CIT: variants seen among roughly 807,000 people sequenced by gnomAD.
CIT encodes the protein citron Rho-interacting kinase.
A neutral mutation model predicts 272.7 loss-of-function variants in CIT; 79 were observed. The ratio of observed to expected loss-of-function variants is 0.29; its 90% CI spans 0.24 to 0.35. The LOEUF (loss-of-function observed/expected upper bound fraction) is 0.35, where lower values mean the gene tolerates loss of function less well. Ranked by LOEUF, CIT falls within the 10% of genes least tolerant of loss-of-function variation. The pLI is 1.00. For synonymous variants in CIT, 948 were observed against 995.6 expected (o/e 0.95, Z 0.90); for missense variants, 1,909 against 2,618.3 (o/e 0.73, Z 5.91).
At chr12:119,778,585 G>C (rs1964000445) in intron 13 of CIT, among the ~76,000 whole-genome samples, 1 of 151,988 alleles carries the variant, frequency 6.6e-6, no homozygotes, top group Admixed American at 6.6e-5. Flanking sequence ...CTGATAAATT[G>C]CAATTTTTGA....
intron 28 of CIT, among the ~76,000 whole-genome samples, chr12:119,723,396 TTAA>T (rs1302478114): frequency 0.015 from 2,022 of 133,866 alleles, 51 homozygotes; most frequent in African/African-American, 0.052. Context: ...TCCCTATACA[TTAA>T]AAAAAAAAAA....
chr12:119,864,173 A>C (rs1950449816), intron 3 of CIT, among the ~76,000 whole-genome samples: 1 of 152,222 alleles, frequency 6.6e-6, no homozygotes, highest in Non-Finnish European at 1.5e-5. Flanking sequence ...TTAGTACTAA[A>C]GTTGTAAATA....
chr12:119,799,769 G>T (rs1966028281), intron 10 of CIT, among the ~76,000 whole-genome samples: 1 of 151,586 alleles, frequency 6.6e-6, no homozygotes, highest in Admixed American at 6.6e-5. Context: ...CCCGGGGGCT[G>T]CATGCAGCCC....
rs541636870 is a variant in CIT, at chr12:119,714,216, G to C, written c.4287C>G (p.Arg1429=). 6.2e-6 allele frequency: 10 copies of C among 1,614,110 alleles called. No homozygotes were observed. In the African/African-American group the frequency reaches 9.3e-5, roughly 15 times the overall value. The change falls in exon 33 of 48, where the codon CGC becomes CGG. Residue 1429 remains arginine (R), a synonymous_variant. Transcript: ENST00000392521. ...AVCLDTVHFG[R]QASKCLECQV... The stretch of plus-strand genomic sequence containing the variant: ...TCTTACCGAGACATTTGGATGCCTG[G>C]CGTCCAAAGTGCACGGTATCCAGAC...
Position 119,691,577 on chromosome 12 carries a change from C to T in CIT, c.5883-1123G>A, listed in dbSNP as rs1001583393. On this transcript the variant is annotated intron_variant, in intron 46 of 47. Transcript: ENST00000392521. ...ACTGAGCAGGGCAGACAAAGTAAAGCGGGCTCAGAAAACGTCCCAGGCCTC... is the reference window on the plus strand; with the variant it reads ...ACTGAGCAGGGCAGACAAAGTAAAGTGGGCTCAGAAAACGTCCCAGGCCTC... 3.9e-5 allele frequency among the ~76,000 whole-genome samples: 6 copies of T among 152,124 alleles called. No homozygotes were observed. The East Asian group carries it at 7.7e-4, about 20-fold the overall frequency.
intron 46 of CIT, among the ~76,000 whole-genome samples, chr12:119,691,191 AAAG>A (rs1955928402): frequency 6.6e-6 from 1 of 151,696 alleles, no homozygotes; most frequent in African/African-American, 2.4e-5. Context: ...AAAAAAAAAA[AAAG>A]ACCAGTTTGA....
chr12:119,870,155 T>C (rs899778609), intron 2 of CIT, among the ~76,000 whole-genome samples: 55 of 152,202 alleles, frequency 3.6e-4, no homozygotes, highest in African/African-American at 1.3e-3. Context: ...CGCTGGAGTC[T>C]ATTTCTCCTG....
At chr12:119,874,108 G>A (rs1441908420) in intron 2 of CIT, among the ~76,000 whole-genome samples, 1 of 151,740 alleles carries the variant, frequency 6.6e-6, no homozygotes, top group Non-Finnish European at 1.5e-5. Flanking sequence ...CCACTCTGTC[G>A]CCCAGGCTGG....
chr12:119,708,229 G>A lies in CIT; in HGVS notation c.5161C>T (p.Pro1721Ser). The A allele has an allele frequency of 6.2e-7, 1 of 1,607,270 alleles. No homozygotes were observed. The highest frequency in any genetic ancestry group is 8.5e-7 in the Non-Finnish European group (1 of 1,177,222). Reference protein sequence around the residue: ...SHLPAQPDISPNIFEAVKGCH... With the variant: ...SHLPAQPDISSNIFEAVKGCH... Reference sequence around the variant, plus strand: ...CCCTTGACAGCTTCAAAAATGTTGGGTGAGATGTCGGGCTGGGCAGGCAGG... The same window carrying A: ...CCCTTGACAGCTTCAAAAATGTTGGATGAGATGTCGGGCTGGGCAGGCAGG... The change falls in exon 40 of 48, where the codon CCC becomes TCC. Residue 1721 changes from proline (P) to serine (S), a missense_variant. By Grantham distance (74) the Pro-to-Ser change is moderately conservative. Coordinates refer to ENST00000392521, the MANE Select transcript of CIT (RefSeq NM_001206999.2).
At chr12:119,792,392 A>G (rs1209462982) in intron 10 of CIT, among the ~76,000 whole-genome samples, 4 of 152,222 alleles carry the variant, frequency 2.6e-5, no homozygotes, top group Non-Finnish European at 5.9e-5. Context: ...TATGCTGCAA[A>G]AAATAAAAAA....
intron 9 of CIT, among the ~76,000 whole-genome samples, chr12:119,816,227 T>C (rs1967171381): frequency 6.6e-6 from 1 of 152,146 alleles, no homozygotes; most frequent in Non-Finnish European, 1.5e-5. Context: ...GGGACAACAG[T>C]AAAGTGGGGT....
intron 9 of CIT, among the ~76,000 whole-genome samples, chr12:119,805,218 G>A (rs1290079290): frequency 1.3e-5 from 2 of 152,156 alleles, no homozygotes; most frequent in Non-Finnish European, 2.9e-5. Flanking sequence ...GAAGCAAAGT[G>A]GTTAATGGCA....
At chr12:119,715,119 C>T (rs1446686318) in intron 32 of CIT, among the ~76,000 whole-genome samples, 3 of 152,142 alleles carry the variant, frequency 2.0e-5, no homozygotes, top group Non-Finnish European at 2.9e-5. Flanking sequence ...AAACCCCTCT[C>T]GCTTGGTTCT....
intron 6 of CIT, among the ~76,000 whole-genome samples, chr12:119,833,663 CAAAAA>C (rs35433156): frequency 1.2e-5 from 1 of 83,840 alleles, no homozygotes. Context: ...GACTCTGTCT[CAAAAA>C]AAAAAAAAAA....
intron 24 of CIT, among the ~76,000 whole-genome samples, chr12:119,737,366 A>C (rs977039999): frequency 6.7e-6 from 1 of 149,718 alleles, no homozygotes; most frequent in African/African-American, 2.5e-5. Context: ...TAAATAGACT[A>C]GACTATAGAA....
intron 2 of CIT, among the ~76,000 whole-genome samples, chr12:119,869,844 T>G (rs1314806935): frequency 6.6e-6 from 1 of 152,208 alleles, no homozygotes; most frequent in Non-Finnish European, 1.5e-5. Flanking sequence ...TTTGAAACAC[T>G]GGCACATCCG....
At chr12:119,865,962 A>C (rs1015953776) in intron 3 of CIT, among the ~76,000 whole-genome samples, 1 of 151,494 alleles carries the variant, frequency 6.6e-6, no homozygotes, top group Non-Finnish European at 1.5e-5. Flanking sequence ...CACTATAGTG[A>C]ACATATGCTG....
rs1968843784 is a variant in CIT at position 119,834,227 on chromosome 12, A to C, written c.518T>G (p.Val173Gly). The C allele has an allele frequency of 1.3e-6, 2 of 1,598,200 alleles. No homozygotes were observed. Among genetic ancestry groups the C allele is most frequent in the African/African-American group, 2.7e-5 (2 of 74,126 alleles). ...GTCCCCTCCAGGCTGATATTCCATG[A>C]CCTGTATAGAATGCCAAAGTTATTA... ...AFQDKNHLYL[V>G]MEYQPGGDLL... is the part of the protein sequence containing the mutation. Residue 173 changes from valine to glycine, a missense_variant and splice_region_variant, in exon 6 of 48, where the codon GTC (valine) becomes GGC (glycine). Val to Gly is a moderately radical substitution (Grantham distance 109). Coordinates refer to ENST00000392521, the MANE Select transcript of CIT (RefSeq NM_001206999.2).
At position 119,735,197 on chromosome 12, in the gene CIT, A is replaced by G; in HGVS notation, c.3119T>C (p.Ile1040Thr). ...GGTAAGCTGCATCTCTCGTTCCGTG[A>G]TCTCCCGGCGGAGATGGTCCACTTC... is the stretch of plus-strand genomic sequence containing the variant. ...RSEVDHLRRE[I>T]TEREMQLTSQ... Residue 1040 changes from isoleucine (I) to threonine (T), a missense_variant, in exon 25 of 48, where the codon ATC (isoleucine) becomes ACC (threonine). Physicochemically the swap from Ile to Thr is moderately conservative, Grantham distance 89 (BLOSUM62 -1). This residue lies in a region of CIT where 530 missense variants were observed against 822.4 expected (regional missense o/e 0.64). Coordinates refer to ENST00000392521, the MANE Select transcript of CIT (RefSeq NM_001206999.2). The G allele has an allele frequency of 6.2e-7, 1 of 1,614,046 alleles. No individual in the cohort carries two copies. Among genetic ancestry groups the G allele is most frequent in the Non-Finnish European group, 8.5e-7 (1 of 1,180,012 alleles).
Sources: allele counts gnomAD v4.1 joint callset (sites outside exome capture counted in the v4.1 genomes callset), GRCh38; gene constraint gnomAD v4.1.1; regional missense constraint gnomAD v4.1.1; transcripts MANE v1.5; gene names NCBI Gene and HGNC (gene_info 2026-07-23, HGNC 2026-07-21).